Variants in CADM1 observed in about 807,000 individuals in gnomAD.
CADM1 encodes the protein cell adhesion molecule 1.
Under a neutral mutation model 53.1 loss-of-function variants are expected in CADM1, and 15 were observed. The ratio of observed to expected loss-of-function variants is 0.28; its 90% CI spans 0.19 to 0.44. The LOEUF (loss-of-function observed/expected upper bound fraction) is 0.44, where lower values mean the gene tolerates loss of function less well. Among genes scored for constraint, CADM1 ranks in the 20% least tolerant of loss-of-function variants. CADM1 has a pLI of 1.00. For missense variants in CADM1, 434 were observed against 611.3 expected (o/e 0.71, Z 3.06); for synonymous variants, 281 against 243.0 (o/e 1.16, Z -1.45).
At chr11:115,433,426 A>G (rs1008926638) in intron 1 of CADM1, among the ~76,000 whole-genome samples, 23 of 152,202 alleles carry the variant, frequency 1.5e-4, no homozygotes, top group African/African-American at 5.3e-4. Context: ...ATCATCCAGC[A>G]TGACTAAATC....
rs527955452 is a variant in CADM1, at chr11:115,493,846, A to G, written c.124+10425T>C. Among the ~76,000 whole-genome samples, 9 of 152,264 alleles carry G rather than the reference A, an allele frequency of 5.9e-5. No individual in the cohort carries two copies. The South Asian group carries it at 6.2e-4, about 11-fold the overall frequency. ...CAATGCCATAAAAGATACCCCTTAA[A>G]AACTCCTTAAAGAAAAAACAGGTGG... On this transcript the variant is annotated intron_variant, in intron 1 of 11. Coordinates refer to ENST00000331581, the MANE Select transcript of CADM1 (RefSeq NM_001301043.2).
At chr11:115,277,166 T>C (rs367590664) in intron 1 of CADM1, among the ~76,000 whole-genome samples, 2 of 152,332 alleles carry the variant, frequency 1.3e-5, no homozygotes, top group East Asian at 3.9e-4. Flanking sequence ...CAACATCTTT[T>C]GCTCCTACAA....
In CADM1 at chr11:115,239,300, G is replaced by A. The variant is rs77755086; in HGVS notation, c.272-648C>T. Among the ~76,000 whole-genome samples, 1,508 of 152,300 alleles carry A rather than the reference G, an allele frequency of 9.9e-3. 29 individuals carry two copies. Among genetic ancestry groups the A allele is most frequent in the African/African-American group, 0.034 (1,417 of 41,568 alleles). On this transcript the variant is annotated intron_variant, in intron 2 of 11. Transcript: ENST00000331581. ...TAACATATTTGACGTGATTTGAGGTGGAGCTGCCAAAAGTGGATGACCTCG... is the reference window on the plus strand; with the variant it reads ...TAACATATTTGACGTGATTTGAGGTAGAGCTGCCAAAAGTGGATGACCTCG...
intron 10 of CADM1, among the ~76,000 whole-genome samples, chr11:115,189,372 T>A (rs1939732165): frequency 6.6e-6 from 1 of 152,170 alleles, no homozygotes; most frequent in South Asian, 2.1e-4. Flanking sequence ...GATCCTTGTC[T>A]GGCTATTGTG....
At chr11:115,391,144 A>G (rs981891022) in intron 1 of CADM1, among the ~76,000 whole-genome samples, 1 of 152,262 alleles carries the variant, frequency 6.6e-6, no homozygotes, top group East Asian at 1.9e-4. Context: ...ATTAGCGTCT[A>G]GAATCTTATA....
At chr11:115,240,628 T>C (rs139314743) in intron 1 of CADM1, among the ~76,000 whole-genome samples, 1 of 152,284 alleles carries the variant, frequency 6.6e-6, no homozygotes, top group African/African-American at 2.4e-5. Flanking sequence ...AAGCCTGGAA[T>C]CATCATACTC....
rs566627003 is a variant in CADM1 at position 115,432,642 on chromosome 11, C to T, written c.124+71629G>A. On this transcript the variant is annotated intron_variant, in intron 1 of 11. Transcript: ENST00000331581. ...TAAGAATTTCAATATTTGTATTGCT[C>T]AGGAGAATCAATTACCCAAACTTCC... is the stretch of plus-strand genomic sequence containing the variant. Among the ~76,000 whole-genome samples, 8 of 152,284 alleles carry T rather than the reference C, an allele frequency of 5.3e-5. No individual in the cohort carries two copies. In the East Asian group the frequency reaches 1.3e-3, roughly 26 times the overall value.
At chr11:115,373,876 A>G (rs1055233680) in intron 1 of CADM1, among the ~76,000 whole-genome samples, 1 of 152,212 alleles carries the variant, frequency 6.6e-6, no homozygotes, top group Non-Finnish European at 1.5e-5. Context: ...TTTCACATGC[A>G]TGAATGAAAA....
intron 1 of CADM1, among the ~76,000 whole-genome samples, chr11:115,412,478 C>G (rs11215544): frequency 0.31 from 47,827 of 152,086 alleles, 8,587 homozygotes; most frequent in Non-Finnish European, 0.42. Context: ...GGATTACAGG[C>G]GTGAGCCACT....
At chr11:115,291,792 C>G (rs1355837390) in intron 1 of CADM1, among the ~76,000 whole-genome samples, 2 of 149,508 alleles carry the variant, frequency 1.3e-5, no homozygotes, top group African/African-American at 5.0e-5. Flanking sequence ...CAGTACTACA[C>G]AGTCAGAGAA....
At chr11:115,357,562 T>G (rs1443121211) in intron 1 of CADM1, among the ~76,000 whole-genome samples, 1 of 152,174 alleles carries the variant, frequency 6.6e-6, no homozygotes, top group Non-Finnish European at 1.5e-5. Context: ...ACTTATTAGC[T>G]AGTGGTCTAG....
intron 1 of CADM1, among the ~76,000 whole-genome samples, chr11:115,470,347 G>C (rs1329097451): frequency 2.0e-5 from 3 of 152,244 alleles, no homozygotes; most frequent in Admixed American, 2.0e-4. Flanking sequence ...GATTAAACTA[G>C]CCATTGGCAA....
intron 1 of CADM1, among the ~76,000 whole-genome samples, chr11:115,253,071 C>A (rs1364239019): frequency 6.6e-6 from 1 of 152,162 alleles, no homozygotes; most frequent in African/African-American, 2.4e-5. Context: ...ACACTGATGA[C>A]CCCTGATAAG....
intron 1 of CADM1, among the ~76,000 whole-genome samples, chr11:115,357,573 G>A (rs1326883292): frequency 6.6e-6 from 1 of 152,044 alleles, no homozygotes; most frequent in Non-Finnish European, 1.5e-5. Context: ...AGTGGTCTAG[G>A]GCATGTTACT....
At chr11:115,216,831 G>C (rs80080144) in intron 6 of CADM1, among the ~76,000 whole-genome samples, 1,535 of 152,290 alleles carry the variant, frequency 0.01, 68 homozygotes, top group East Asian at 0.041. Context: ...TCTTGTCATA[G>C]ATCATTCCTT....
chr11:115,425,983 A>C (rs1174471912), intron 1 of CADM1, among the ~76,000 whole-genome samples: 2 of 152,182 alleles, frequency 1.3e-5, no homozygotes, highest in African/African-American at 4.8e-5. Flanking sequence ...TCAGCCAAAC[A>C]AACCAGCTTT....
intron 1 of CADM1, among the ~76,000 whole-genome samples, chr11:115,460,642 C>T (rs1948774779): frequency 6.6e-6 from 1 of 152,088 alleles, no homozygotes; most frequent in Non-Finnish European, 1.5e-5. Flanking sequence ...GAGTAATTAA[C>T]ATGGTGAAGC....
chr11:115,473,634 T>C (rs1949064108), intron 1 of CADM1, among the ~76,000 whole-genome samples: 1 of 152,192 alleles, frequency 6.6e-6, no homozygotes, highest in African/African-American at 2.4e-5. Flanking sequence ...TGAACATTTA[T>C]AGGCAGAAAA....
chr11:115,357,936 T>C (rs560529869), intron 1 of CADM1, among the ~76,000 whole-genome samples: 1 of 152,294 alleles, frequency 6.6e-6, no homozygotes, highest in South Asian at 2.1e-4. Context: ...AGACAGACAC[T>C]AGATAATTAC....
Sources: allele counts gnomAD v4.1 joint callset (sites outside exome capture counted in the v4.1 genomes callset), GRCh38; gene constraint gnomAD v4.1.1; transcripts MANE v1.5; gene names NCBI Gene and HGNC (gene_info 2026-07-23, HGNC 2026-07-21).